DPM1: variants seen among roughly 807,000 people sequenced by gnomAD.
DPM1 encodes the protein dolichol-phosphate mannosyltransferase subunit 1.
DPM1 carries 27 observed loss-of-function variants against 39.0 expected under a neutral mutation model. The ratio of observed to expected loss-of-function variants is 0.69; its 90% CI spans 0.51 to 0.95. The LOEUF (loss-of-function observed/expected upper bound fraction) is 0.95. DPM1 is among the 40% of genes least tolerant of loss of function. DPM1 has a pLI of 0.00. For synonymous variants in DPM1, 124 were observed against 109.0 expected (o/e 1.14, Z -0.86); for missense variants, 307 against 315.6 (o/e 0.97, Z 0.21).
chr20:50,945,814 C>T (rs747729948), intron 4 of DPM1, 33 bp downstream of exon 4: 1 of 1,611,202 alleles, frequency 6.2e-7, no homozygotes, highest in South Asian at 1.1e-5. Flanking sequence ...CTAAGACTAC[C>T]ATAAATAGCT....
chr20:50,943,992 G>A (rs1026730349), intron 5 of DPM1, among the ~76,000 whole-genome samples: 3 of 151,464 alleles, frequency 2.0e-5, no homozygotes, highest in Non-Finnish European at 4.4e-5. Flanking sequence ...CGCCCGCCTC[G>A]GCCCCCCAAA....
chr20:50,938,527 C>T (rs1169886369), intron 7 of DPM1, among the ~76,000 whole-genome samples: 4 of 151,448 alleles, frequency 2.6e-5, no homozygotes, highest in Admixed American at 2.0e-4. Flanking sequence ...GGACTACAGG[C>T]GCCCGCCACC....
intron 7 of DPM1, among the ~76,000 whole-genome samples, chr20:50,937,240 C>G (rs1444096028): frequency 6.6e-6 from 1 of 152,084 alleles, no homozygotes; most frequent in East Asian, 1.9e-4. Flanking sequence ...CCTCAGACTT[C>G]TAAGGCGACC....
rs1410160900 is a variant in DPM1, at chr20:50,957,403, C to T, written c.161+960G>A. Among the ~76,000 whole-genome samples, 7 of 152,294 alleles carry T rather than the reference C, an allele frequency of 4.6e-5. No individual in the cohort carries two copies. The South Asian group carries it at 1.4e-3, about 32-fold the overall frequency. ...AGCAATCCTACCTCGAAGAATTTATCCCTAGTACACAAGTAAAAGTATGAA... is the reference window on the plus strand; with the variant it reads ...AGCAATCCTACCTCGAAGAATTTATTCCTAGTACACAAGTAAAAGTATGAA... On this transcript the variant is annotated intron_variant, in intron 1 of 8. Transcript: ENST00000371588.
rs564102851 is a variant in DPM1 at position 50,938,871 on chromosome 20, C to T, written c.563+1994G>A. ...GCGCACGCCTGTAATCCCAGCTACT[C>T]GGGAGGCTGAGGCAGGAGAATCTCT... On this transcript the variant is annotated intron_variant, in intron 7 of 8. Transcript: ENST00000371588. 9.8e-4 allele frequency among the ~76,000 whole-genome samples: 148 copies of T among 151,474 alleles called. 2 individuals carry two copies. In the Middle Eastern group the frequency reaches 0.027, roughly 28 times the overall value.
chr20:50,936,385 G>A, intron 7 of DPM1, 123 bp from the exon 8 acceptor site: 1 of 650,802 alleles, frequency 1.5e-6, no homozygotes, highest in South Asian at 1.8e-5. Context: ...TTGGTAAACA[G>A]AAAAGCTCGC....
intron 2 of DPM1, among the ~76,000 whole-genome samples, chr20:50,949,228 C>T (rs1284446618): frequency 2.0e-5 from 3 of 152,154 alleles, no homozygotes; most frequent in African/African-American, 7.2e-5. Flanking sequence ...GTGTCACTCA[C>T]TCTATTTTAA....
In DPM1 at chr20:50,945,852, G is replaced by T; in HGVS notation, c.367C>A (p.His123Asn). Residue 123 changes from histidine (H) to asparagine (N), a missense_variant, in exon 4 of 9, where the codon CAC (histidine) becomes AAC (asparagine). His to Asn is a moderately conservative substitution (Grantham distance 68). Around this residue, in one of 3 missense-constraint regions of DPM1, gnomAD observed 206 missense variants for 188.2 expected, o/e 1.09. Coordinates refer to ENST00000371588, the MANE Select transcript of DPM1 (RefSeq NM_003859.3). The part of the protein sequence containing the change: ...YIIIMDADLS[H>N]HPKFIPEFIR... ...TAAAGAAACATACCACTTACATGGT[G>T]TGAGAGATCAGCATCCATAATAATG... 1 of 1,613,172 alleles carries T rather than the reference G, an allele frequency of 6.2e-7. No homozygotes were observed. Among genetic ancestry groups the T allele is most frequent in the African/African-American group, 1.3e-5 (1 of 75,024 alleles).
chr20:50,951,421 C>T (rs1313045198), intron 2 of DPM1, among the ~76,000 whole-genome samples: 1 of 152,200 alleles, frequency 6.6e-6, no homozygotes, highest in Admixed American at 6.5e-5. Context: ...CACATACACA[C>T]ATATATGCAC....
intron 2 of DPM1, among the ~76,000 whole-genome samples, chr20:50,949,560 T>C (rs1986471066): frequency 6.6e-6 from 1 of 152,196 alleles, no homozygotes; most frequent in Non-Finnish European, 1.5e-5. Flanking sequence ...TTTTACTTGT[T>C]TAGTTTTTCC....
At chr20:50,936,377 G>T (rs2123062357) in intron 7 of DPM1, 115 bp from the exon 8 acceptor site, 1 of 677,242 alleles carries the variant, frequency 1.5e-6, no homozygotes, top group Admixed American at 2.4e-5. Flanking sequence ...ACTGGCCATT[G>T]GTAAACAGAA....
rs574725753 is a variant in DPM1, at chr20:50,947,147, G to A, written c.296-1224C>T. Among the ~76,000 whole-genome samples the A allele has an allele frequency of 1.2e-4, 19 of 152,336 alleles. No individual in the cohort carries two copies. In the East Asian group the frequency reaches 1.5e-3, roughly 12 times the overall value. ...CGCTTGAACCCGGGAGGCAGAGATCGCGGTGAGCCGAGATCGCGTCATCGC... is the reference window on the plus strand; with the variant it reads ...CGCTTGAACCCGGGAGGCAGAGATCACGGTGAGCCGAGATCGCGTCATCGC... On this transcript the variant is annotated intron_variant, in intron 3 of 8. Transcript: ENST00000371588.
At chr20:50,952,686 G>T (rs1227434344) in intron 2 of DPM1, among the ~76,000 whole-genome samples, 4 of 152,106 alleles carry the variant, frequency 2.6e-5, no homozygotes, top group African/African-American at 9.7e-5. Context: ...TACTGATCTT[G>T]TTAGAAATAT....
chr20:50,941,344 T>TATATATATTC (rs550246701), intron 6 of DPM1: 24,943 of 143,718 alleles, frequency 0.17, 3,836 homozygotes, highest in African/African-American at 0.43. Context: ...ATATTCGTAT[T>TATATATATTC]ATATATATTC....
intron 2 of DPM1, among the ~76,000 whole-genome samples, chr20:50,954,793 C>G (rs1986745858): frequency 6.6e-6 from 1 of 152,166 alleles, no homozygotes; most frequent in South Asian, 2.1e-4. Context: ...AGGCAGTATT[C>G]TCTAATGAAA....
intron 6 of DPM1, 115 bp downstream of exon 6, chr20:50,941,916 G>C: frequency 1.1e-6 from 1 of 878,640 alleles, no homozygotes; most frequent in East Asian, 2.5e-5. Context: ...GTATTTACTG[G>C]AAGTTATAAC....
intron 1 of DPM1, among the ~76,000 whole-genome samples, chr20:50,956,261 T>C (rs1361499462): frequency 6.6e-6 from 1 of 152,176 alleles, no homozygotes; most frequent in Non-Finnish European, 1.5e-5. Context: ...GGTGGATAAA[T>C]AATACCTACG....
chr20:50,947,077 G>A (rs868229753), intron 3 of DPM1, among the ~76,000 whole-genome samples: 1 of 152,170 alleles, frequency 6.6e-6, no homozygotes, highest in Non-Finnish European at 1.5e-5. Context: ...GCATGGTGGT[G>A]CATGCCTACA....
intron 2 of DPM1, 150 bp from the exon 3 acceptor site, chr20:50,948,812 C>T: frequency 1.4e-6 from 1 of 698,962 alleles, no homozygotes; most frequent in Non-Finnish European, 2.3e-6. Context: ...ATTTTTTTGC[C>T]AAAAGAAAAA....
Sources: allele counts gnomAD v4.1 joint callset (sites outside exome capture counted in the v4.1 genomes callset), GRCh38; gene constraint gnomAD v4.1.1; regional missense constraint gnomAD v4.1.1; transcripts MANE v1.5; gene names NCBI Gene and HGNC (gene_info 2026-07-23, HGNC 2026-07-21).